TMEM131L: variants seen among roughly 807,000 people sequenced by gnomAD.
TMEM131L encodes the protein transmembrane protein 131-like.
TMEM131L carries 54 observed loss-of-function variants against 192.2 expected under a neutral mutation model. The observed-to-expected ratio is 0.28, with a 90% CI of 0.23 to 0.35. The LOEUF (loss-of-function observed/expected upper bound fraction) is 0.35. Ranked by LOEUF, TMEM131L falls within the 10% of genes least tolerant of loss-of-function variation. The pLI is 1.00. For synonymous variants in TMEM131L, 701 were observed against 704.9 expected, an observed-to-expected ratio of 0.99 and a Z score of 0.09; for missense variants, 1,888 against 1,972.9, an observed-to-expected ratio of 0.96 and a Z score of 0.82.
At chr4:153,504,006 G>A (rs924254831) in intron 3 of TMEM131L, among the ~76,000 whole-genome samples, 59 of 152,136 alleles carry the variant, frequency 3.9e-4, no homozygotes, top group African/African-American at 1.3e-3. Context: ...TTGCTCTGTC[G>A]CCCAGGCTGG....
intron 2 of TMEM131L, among the ~76,000 whole-genome samples, chr4:153,470,963 T>C (rs1731113733): frequency 6.6e-6 from 1 of 151,800 alleles, no homozygotes; most frequent in African/African-American, 2.4e-5. Context: ...GAGTTTCTTG[T>C]AGTGCCTTCG....
chr4:153,591,705 A>G (rs1267435245), intron 17 of TMEM131L, among the ~76,000 whole-genome samples: 1 of 152,196 alleles, frequency 6.6e-6, no homozygotes, highest in African/African-American at 2.4e-5. Context: ...TAAGAACTCT[A>G]TACCACACGT....
intron 26 of TMEM131L, among the ~76,000 whole-genome samples, chr4:153,618,399 C>G (rs1733145603): frequency 7.0e-6 from 1 of 143,598 alleles, no homozygotes; most frequent in Non-Finnish European, 1.5e-5. Context: ...TTGCTTGAGC[C>G]TGGGAGGTTG....
chr4:153,535,357 A>C (rs1197458669), intron 3 of TMEM131L, among the ~76,000 whole-genome samples: 1 of 152,112 alleles, frequency 6.6e-6, no homozygotes. Flanking sequence ...GTGGATGGGC[A>C]GTTGGGAAGG....
At chr4:153,467,025 G>A (rs1579992616) in intron 1 of TMEM131L, among the ~76,000 whole-genome samples, 186 bp from the exon 2 acceptor site, 1 of 152,208 alleles carries the variant, frequency 6.6e-6, no homozygotes, top group African/African-American at 2.4e-5. Flanking sequence ...CGTCCGAGGG[G>A]CCGCCGGCTC....
At chr4:153,605,527 C>T (rs755260259) in intron 25 of TMEM131L, among the ~76,000 whole-genome samples, 3 of 152,154 alleles carry the variant, frequency 2.0e-5, no homozygotes, top group African/African-American at 7.2e-5. Context: ...GCCATCATGC[C>T]CAACTAATTT....
chr4:153,479,903 T>A (rs1024449838), intron 3 of TMEM131L, among the ~76,000 whole-genome samples: 1 of 152,228 alleles, frequency 6.6e-6, no homozygotes, highest in Non-Finnish European at 1.5e-5. Flanking sequence ...CTCACTTTTC[T>A]TTGTTATTCA....
chr4:153,572,086 A>G (rs1729626190), intron 7 of TMEM131L, among the ~76,000 whole-genome samples: 1 of 151,488 alleles, frequency 6.6e-6, no homozygotes. Flanking sequence ...GTACTTAGGT[A>G]TGGGATAGAG....
chr4:153,512,333 A>G (rs1347858518), intron 3 of TMEM131L, among the ~76,000 whole-genome samples: 1 of 152,226 alleles, frequency 6.6e-6, no homozygotes, highest in African/African-American at 2.4e-5. Context: ...TTCTGGGGTT[A>G]TGCAAACAAA....
At chr4:153,546,156 G>A (rs1263526124) in intron 3 of TMEM131L, among the ~76,000 whole-genome samples, 8 of 151,772 alleles carry the variant, frequency 5.3e-5, no homozygotes, top group African/African-American at 1.9e-4. Flanking sequence ...CTCTTAAAGT[G>A]CGGGGATTAC....
chr4:153,593,613 G>A (rs776850724), intron 18 of TMEM131L, among the ~76,000 whole-genome samples, 186 bp from the exon 19 acceptor site: 33 of 149,444 alleles, frequency 2.2e-4, no homozygotes, highest in Admixed American at 3.3e-4. Flanking sequence ...GTGTGGGAAT[G>A]TGGGGTGGAG....
chr4:153,622,445 C>T (rs1733498183), intron 28 of TMEM131L, among the ~76,000 whole-genome samples: 1 of 152,214 alleles, frequency 6.6e-6, no homozygotes, highest in South Asian at 2.1e-4. Context: ...TCCACCCTCT[C>T]TTTTTCATTC....
At chr4:153,507,437 A>G (rs920447908) in intron 3 of TMEM131L, among the ~76,000 whole-genome samples, 1 of 152,208 alleles carries the variant, frequency 6.6e-6, no homozygotes, top group Non-Finnish European at 1.5e-5. Context: ...CTGTGTTTAC[A>G]GTGGTAAGTT....
chr4:153,547,826 T>G (rs1737301118), intron 3 of TMEM131L, among the ~76,000 whole-genome samples: 1 of 152,234 alleles, frequency 6.6e-6, no homozygotes, highest in Non-Finnish European at 1.5e-5. Context: ...GCTCTGCCTT[T>G]TAGTAGCTAT....
At chr4:153,585,017 T>C (rs1730605347) in intron 12 of TMEM131L, 86 bp downstream of exon 12, 2 of 1,017,722 alleles carry the variant, frequency 2.0e-6, no homozygotes, top group Non-Finnish European at 3.0e-6. Context: ...TATAGTGATA[T>C]GATTTGTGTG....
At chr4:153,538,174 T>G (rs773619048) in intron 3 of TMEM131L, among the ~76,000 whole-genome samples, 19 of 152,230 alleles carry the variant, frequency 1.2e-4, no homozygotes, top group Admixed American at 3.3e-4. Flanking sequence ...TTATTGACTA[T>G]GCTCCTTCCA....
At chr4:153,579,611 A>G (rs944492738) in intron 7 of TMEM131L, among the ~76,000 whole-genome samples, 4 of 152,150 alleles carry the variant, frequency 2.6e-5, no homozygotes, top group South Asian at 2.1e-4. Flanking sequence ...AGCTGGGACT[A>G]TAAGCGCACA....
intron 3 of TMEM131L, among the ~76,000 whole-genome samples, chr4:153,544,838 G>A (rs1737052354): frequency 6.6e-6 from 1 of 152,136 alleles, no homozygotes; most frequent in Non-Finnish European, 1.5e-5. Context: ...TAAGCCTGAG[G>A]GGAGCATCTT....
chr4:153,488,584 G>A (rs766809920), intron 3 of TMEM131L, among the ~76,000 whole-genome samples: 1 of 152,248 alleles, frequency 6.6e-6, no homozygotes, highest in Admixed American at 6.5e-5. Flanking sequence ...ATTCCCTGCG[G>A]CTCTGTTGTG....
Sources: gnomAD v4.1 joint callset for allele counts (sites outside exome capture counted in the v4.1 genomes callset) on GRCh38, gnomAD v4.1.1 for gene constraint, MANE v1.5 for transcripts, NCBI Gene and HGNC (gene_info 2026-07-23, HGNC 2026-07-21) for gene names.